Variants in MMD2 observed in about 807,000 individuals in gnomAD.
MMD2 encodes the protein monocyte to macrophage differentiation associated 2, also known as monocyte to macrophage differentiation factor 2.
In MMD2, 30 loss-of-function variants were observed where a neutral mutation model predicts 33.5. The observed-to-expected ratio is 0.90, with a 90% CI of 0.67 to 1.22. MMD2 has a LOEUF of 1.22. Among genes scored for constraint, MMD2 ranks in the 50% most tolerant of loss-of-function variants. The pLI, the probability that MMD2 is intolerant of heterozygous loss-of-function variation, is 0.00. For synonymous variants in MMD2, 129 were observed against 123.0 expected (o/e 1.05, Z -0.32); for missense variants, 364 against 325.4 (o/e 1.12, Z -0.91).
At chr7:4,951,593 C>A (rs908203266) in intron 1 of MMD2, among the ~76,000 whole-genome samples, 4 of 152,108 alleles carry the variant, frequency 2.6e-5, no homozygotes, top group African/African-American at 9.7e-5. Context: ...TCTAGCACTA[C>A]TCATTCTTCC....
At chr7:4,924,759 G>A (rs1340840723) in intron 2 of MMD2, among the ~76,000 whole-genome samples, 1 of 152,178 alleles carries the variant, frequency 6.6e-6, no homozygotes, top group Non-Finnish European at 1.5e-5. Context: ...GACAGGAACA[G>A]CCCGTGCAAA....
chr7:4,904,083 C>T (rs1390019162), downstream of MMD2, among the ~76,000 whole-genome samples: 1 of 152,192 alleles, frequency 6.6e-6, no homozygotes, highest in East Asian at 1.9e-4. Flanking sequence ...CAAGCAGGTG[C>T]CACCATGTCT....
At chr7:4,904,076 G>A (rs1324288655), downstream of MMD2, among the ~76,000 whole-genome samples, 1 of 152,184 alleles carries the variant, frequency 6.6e-6, no homozygotes, top group Non-Finnish European at 1.5e-5. Flanking sequence ...GAGATTACAA[G>A]CAGGTGCCAC....
chr7:4,928,991 G>T (rs563182287), intron 1 of MMD2, among the ~76,000 whole-genome samples: 1 of 152,264 alleles, frequency 6.6e-6, no homozygotes, highest in South Asian at 2.1e-4. Flanking sequence ...CATAGTTCAG[G>T]GCTCATTTAT....
Position 4,946,129 on chromosome 7 carries a change from CTGCACACGCA to C in MMD2, c.47+12832_47+12841del, listed in dbSNP as rs1786075878. On this transcript the variant is annotated intron_variant, in intron 1 of 6. Coordinates refer to ENST00000401401, the MANE Select transcript of MMD2 (RefSeq NM_198403.4). The surrounding 1 kb of genome is among the most constrained non-coding windows in gnomAD (Gnocchi z 5.0). ...CACACGCGCACACGCACGCACACAC[CTGCACACGCA>C]CGCACACCCACACCCGCGCGCACAC... Among the ~76,000 whole-genome samples, 1 of 148,790 alleles carries C rather than the reference CTGCACACGCA, an allele frequency of 6.7e-6. No individual in the cohort carries two copies. The highest frequency in any genetic ancestry group is 2.5e-5 in the African/African-American group (1 of 40,242).
chr7:4,943,511 C>T (rs932862738), intron 1 of MMD2, among the ~76,000 whole-genome samples: 2 of 152,108 alleles, frequency 1.3e-5, no homozygotes, highest in African/African-American at 4.8e-5. Context: ...AACTGCTCTA[C>T]CCTGATGTCC....
the MMD2 span, among the ~76,000 whole-genome samples, chr7:4,895,908 C>G: frequency 5.6e-3 from 850 of 152,248 alleles, 8 homozygotes; most frequent in African/African-American, 0.02. Context: ...CTATCAAATT[C>G]TAAGCCTGTT....
chr7:4,955,778 C>A (rs1044190151), intron 1 of MMD2, among the ~76,000 whole-genome samples: 3 of 152,182 alleles, frequency 2.0e-5, no homozygotes. Context: ...GCTGGCCGGG[C>A]GTGGTGGCTC....
chr7:4,895,469 G>A, the MMD2 span, among the ~76,000 whole-genome samples: 4 of 152,274 alleles, frequency 2.6e-5, no homozygotes, highest in South Asian at 2.1e-4. Context: ...CGGGGTCAGC[G>A]GTTTTGACTT....
At chr7:4,911,054 T>A in intron 5 of MMD2, 91 bp downstream of exon 5, 1 of 1,086,882 alleles carries the variant, frequency 9.2e-7, no homozygotes, top group Non-Finnish European at 1.4e-6. Context: ...GATTATGAGA[T>A]CATCCTGGAC....
chr7:4,929,905 G>A (rs1432342177), intron 1 of MMD2, among the ~76,000 whole-genome samples: 4 of 151,986 alleles, frequency 2.6e-5, no homozygotes, highest in South Asian at 2.1e-4. Context: ...TTCACACATC[G>A]AAGCCCTAAC....
intron 1 of MMD2, among the ~76,000 whole-genome samples, chr7:4,929,803 G>A (rs572603350): frequency 2.0e-5 from 3 of 152,144 alleles, no homozygotes; most frequent in East Asian, 3.9e-4. Context: ...GACTACAGGC[G>A]TGAGCCACTG....
At chr7:4,913,662 G>A (rs1162218530) in intron 4 of MMD2, among the ~76,000 whole-genome samples, 1 of 143,078 alleles carries the variant, frequency 7.0e-6, no homozygotes, top group Non-Finnish European at 1.5e-5. Flanking sequence ...GGTTTGCACT[G>A]AGCCAAGATC....
chr7:4,957,172 AAAT>A lies in MMD2; in HGVS notation c.47+1796_47+1798del, dbSNP rs1405453669. On this transcript the variant is annotated intron_variant, in intron 1 of 6. Coordinates refer to ENST00000401401, the MANE Select transcript of MMD2 (RefSeq NM_198403.4). Reference sequence around the variant, plus strand: ...CAGAGTGAGACTGTCTCAAAAAAAAAAATATATATATATATATATAAATTATCT... The same window carrying A: ...CAGAGTGAGACTGTCTCAAAAAAAAAATATATATATATATATAAATTATCT... Among the ~76,000 whole-genome samples the A allele has an allele frequency of 6.5e-3, 871 of 134,798 alleles. 11 individuals are homozygous for A. Among genetic ancestry groups the A allele is most frequent in the African/African-American group, 0.022 (796 of 36,824 alleles). 88.4% of individuals were successfully genotyped at this position (134,798 alleles called of 152,430 possible). A position where few individuals can be genotyped will look rare whatever the true frequency, so the allele number is the denominator to read the frequency against.
At chr7:4,920,865 C>A (rs2345224) in intron 2 of MMD2, among the ~76,000 whole-genome samples, 92,114 of 151,504 alleles carry the variant, frequency 0.61, 28,149 homozygotes, top group Admixed American at 0.68. Flanking sequence ...CTACAGGCAC[C>A]CACCACCACG....
At chr7:4,895,478 T>A in the MMD2 span, among the ~76,000 whole-genome samples, 1 of 152,148 alleles carries the variant, frequency 6.6e-6, no homozygotes, top group Non-Finnish European at 1.5e-5. Context: ...CGGTTTTGAC[T>A]TAGGGCTGAG....
rs575614151 is a variant in MMD2 at position 4,921,364 on chromosome 7, T to C, written c.130-1033A>G. Among the ~76,000 whole-genome samples the C allele has an allele frequency of 3.3e-5, 5 of 152,102 alleles. No homozygotes were observed. In the South Asian group the frequency reaches 8.3e-4, roughly 25 times the overall value. The stretch of plus-strand genomic sequence containing the variant: ...GGCCAGGTGCGGTGGCTCACACCTG[T>C]AATCCCAGCACTTTAGGAGGCCGAG... On this transcript the variant is annotated intron_variant, in intron 2 of 6. Coordinates refer to ENST00000401401, the MANE Select transcript of MMD2 (RefSeq NM_198403.4).
At position 4,911,114 on chromosome 7, in the gene MMD2, C is replaced by T. The variant is rs761338408; in HGVS notation, c.467+31G>A. Reference sequence around the variant, plus strand: ...GAGGCCAGAGCATCTAAGGGAATCCCGCCTCCCTGAAGCCCCCAGGCCTGG... The same window carrying T: ...GAGGCCAGAGCATCTAAGGGAATCCTGCCTCCCTGAAGCCCCCAGGCCTGG... On this transcript the variant is annotated intron_variant, in intron 5 of 6. Coordinates refer to ENST00000401401, the MANE Select transcript of MMD2 (RefSeq NM_198403.4). The T allele has an allele frequency of 4.1e-5, 62 of 1,527,596 alleles. No individual in the cohort carries two copies. In the African/African-American group the frequency reaches 4.7e-4, roughly 12 times the overall value. The allele number at this position is 1,527,596 out of a possible 1,614,324, so 94.6% of individuals were successfully genotyped here.
chr7:4,952,463 T>TC, intron 1 of MMD2, among the ~76,000 whole-genome samples: 1 of 151,982 alleles, frequency 6.6e-6, no homozygotes, highest in East Asian at 1.9e-4. Flanking sequence ...AAAGAACAGC[T>TC]CCCCCCAGGC....
Sources: allele counts gnomAD v4.1 joint callset (sites outside exome capture counted in the v4.1 genomes callset), GRCh38; gene constraint gnomAD v4.1.1; non-coding constraint Gnocchi (gnomAD v3.1); transcripts MANE v1.5; gene names NCBI Gene and HGNC (gene_info 2026-07-23, HGNC 2026-07-21).